Variants in KDELR2 observed in about 807,000 individuals in gnomAD.
KDELR2 encodes the protein ER lumen protein-retaining receptor 2.
In KDELR2, 15 loss-of-function variants were observed where a neutral mutation model predicts 23.9. The observed-to-expected ratio is 0.63, with a 90% CI of 0.42 to 0.97. The LOEUF (loss-of-function observed/expected upper bound fraction) is 0.97, where lower values mean the gene tolerates loss of function less well. Among genes scored for constraint, KDELR2 ranks in the 50% least tolerant of loss-of-function variants. The pLI, the probability that KDELR2 is intolerant of heterozygous loss-of-function variation, is 0.00. For missense variants in KDELR2, 272 were observed against 254.6 expected, an observed-to-expected ratio of 1.07 and a Z score of -0.46; for synonymous variants, 119 against 106.2, an observed-to-expected ratio of 1.12 and a Z score of -0.74.
At chr7:6,466,460 G>T (rs1348556187) in intron 3 of KDELR2, 137 bp from the exon 4 acceptor site, 2 of 1,015,564 alleles carry the variant, frequency 2.0e-6, no homozygotes, top group African/African-American at 1.6e-5. Context: ...TAGAACAACA[G>T]CTTGGCAACT....
At chr7:6,471,114 C>CA (rs199716537) in intron 2 of KDELR2, among the ~76,000 whole-genome samples, 33 of 101,594 alleles carry the variant, frequency 3.2e-4, no homozygotes, top group Middle Eastern at 5.5e-3. Flanking sequence ...GACTCTGTCT[C>CA]AAAAAAAATA....
chr7:6,470,736 G>A (rs530651114), intron 2 of KDELR2, among the ~76,000 whole-genome samples: 16 of 152,054 alleles, frequency 1.1e-4, no homozygotes, highest in African/African-American at 3.9e-4. Flanking sequence ...GATTTAATCC[G>A]CCACCACTAT....
intron 1 of KDELR2, among the ~76,000 whole-genome samples, chr7:6,479,715 G>A (rs1264597303): frequency 1.3e-5 from 2 of 152,156 alleles, no homozygotes; most frequent in Non-Finnish European, 2.9e-5. Flanking sequence ...CTGCCCTCAA[G>A]ATCCGCCCGC....
chr7:6,470,032 C>T, intron 2 of KDELR2: 1 of 277,486 alleles, frequency 3.6e-6, no homozygotes, highest in Non-Finnish European at 6.8e-6. Context: ...CTTCCTTCAC[C>T]TCCTGCAGTG....
chr7:6,469,851 T>G, intron 2 of KDELR2, 97 bp from the exon 3 acceptor site: 1 of 1,046,902 alleles, frequency 9.6e-7, no homozygotes, highest in East Asian at 2.8e-5. Context: ...AAAGGCAAGA[T>G]TTTTTTCCTT....
intron 2 of KDELR2, among the ~76,000 whole-genome samples, chr7:6,472,891 C>G (rs1204192030): frequency 2.1e-5 from 3 of 142,346 alleles, no homozygotes; most frequent in Non-Finnish European, 4.6e-5. Context: ...CCTGAGAGCC[C>G]CTGTTCTTTT....
intron 2 of KDELR2, among the ~76,000 whole-genome samples, chr7:6,471,452 T>A (rs1384941637): frequency 6.6e-6 from 1 of 152,148 alleles, no homozygotes; most frequent in African/African-American, 2.4e-5. Flanking sequence ...AGTGCTGGGA[T>A]TACAGGCGTG....
intron 1 of KDELR2, among the ~76,000 whole-genome samples, chr7:6,479,810 G>T (rs916193605): frequency 3.3e-5 from 5 of 152,198 alleles, no homozygotes; most frequent in African/African-American, 1.2e-4. Context: ...ACAAGCTGCT[G>T]CTCTGAATTG....
intron 2 of KDELR2, among the ~76,000 whole-genome samples, chr7:6,472,128 T>G (rs1785659036): frequency 6.6e-6 from 1 of 152,156 alleles, no homozygotes; most frequent in African/African-American, 2.4e-5. Flanking sequence ...CCTCACCATG[T>G]ATGTGAATAA....
intron 1 of KDELR2, among the ~76,000 whole-genome samples, chr7:6,478,564 G>A (rs1223957304): frequency 1.3e-5 from 2 of 152,016 alleles, no homozygotes; most frequent in African/African-American, 4.8e-5. Context: ...TTATTTGTAG[G>A]AGTACTTTAT....
intron 2 of KDELR2, among the ~76,000 whole-genome samples, chr7:6,471,089 C>A (rs1470301085): frequency 6.8e-6 from 1 of 146,974 alleles, no homozygotes; most frequent in South Asian, 2.2e-4. Context: ...TGCACTCCAG[C>A]CTGGGTGACA....
rs758250638 is a variant in KDELR2 at position 6,469,774 on chromosome 7, C to T, written c.193-20G>A. 1.9e-6 allele frequency: 3 copies of T among 1,596,374 alleles called. No individual in the cohort carries two copies. Among genetic ancestry groups the T allele is most frequent in the South Asian group, 1.1e-5 (1 of 88,156 alleles). ...GATAACCTACAAATAAAAGAAAAAA[C>T]ACCAGGTGTCAATACCTTGCCACTG... is the stretch of plus-strand genomic sequence containing the variant. On this transcript the variant is annotated intron_variant, in intron 2 of 4. Transcript: ENST00000258739.
chr7:6,466,464 G>C, intron 3 of KDELR2, 141 bp from the exon 4 acceptor site: 1 of 976,436 alleles, frequency 1.0e-6, no homozygotes, highest in Non-Finnish European at 1.5e-6. Context: ...ACAACAGCTT[G>C]GCAACTGCAT....
At chr7:6,472,072 T>C (rs566828744) in intron 2 of KDELR2, among the ~76,000 whole-genome samples, 1 of 152,266 alleles carries the variant, frequency 6.6e-6, no homozygotes, top group East Asian at 1.9e-4. Context: ...AGCTAATTTT[T>C]AGTAGAGATG....
chr7:6,483,762 T>C (rs1265877785), intron 1 of KDELR2, among the ~76,000 whole-genome samples: 1 of 151,776 alleles, frequency 6.6e-6, no homozygotes, highest in South Asian at 2.1e-4. Context: ...CAGAGCGGGG[T>C]CCCGCGCTGC....
chr7:6,476,585 G>C (rs984280821), intron 1 of KDELR2, among the ~76,000 whole-genome samples: 3 of 152,202 alleles, frequency 2.0e-5, no homozygotes, highest in African/African-American at 7.2e-5. Flanking sequence ...TACTCTAACA[G>C]AACTTTGGAA....
chr7:6,469,706 T>G lies in KDELR2; in HGVS notation c.241A>C (p.Lys81Gln), dbSNP rs769910193. 2 of 1,614,040 alleles carry G rather than the reference T, an allele frequency of 1.2e-6. No homozygotes were observed. Among genetic ancestry groups the G allele is most frequent in the Non-Finnish European group, 1.7e-6 (2 of 1,180,014 alleles). ...SYATVYLIYL[K>Q]FKATYDGNHD... ...TTTCCATCGTAGGTTGCCTTAAATT[T>G]CAGGTAGATCAGGTACACTGTGGCA... Residue 81 changes from lysine to glutamine, a missense_variant, in exon 3 of 5, where the codon AAA becomes CAA. Coordinates refer to ENST00000258739, the MANE Select transcript of KDELR2 (RefSeq NM_006854.4).
chr7:6,475,462 T>C (rs1785732348), intron 1 of KDELR2, among the ~76,000 whole-genome samples: 1 of 152,142 alleles, frequency 6.6e-6, no homozygotes, highest in African/African-American at 2.4e-5. Flanking sequence ...AGAAATTCCA[T>C]TGTATTTGTA....
intron 1 of KDELR2, among the ~76,000 whole-genome samples, chr7:6,481,689 C>T (rs1047515541): frequency 7.2e-5 from 11 of 152,136 alleles, no homozygotes; most frequent in African/African-American, 2.7e-4. Flanking sequence ...CATTGCACTC[C>T]AGCCTGGGGG....
Sources: gnomAD v4.1 joint callset for allele counts (sites outside exome capture counted in the v4.1 genomes callset) on GRCh38, gnomAD v4.1.1 for gene constraint, MANE v1.5 for transcripts, NCBI Gene and HGNC (gene_info 2026-07-23, HGNC 2026-07-21) for gene names.